TENM2: variants seen among roughly 807,000 people sequenced by gnomAD.
TENM2 encodes teneurin transmembrane protein 2.
In TENM2, 52 loss-of-function variants were observed where a neutral mutation model predicts 245.2. That is an observed-to-expected ratio of 0.21 (90% CI 0.17 to 0.27). The LOEUF is 0.27. TENM2 is among the 10% of genes least tolerant of loss of function. The pLI is 1.00. For missense variants in TENM2, 3,046 were observed against 3,666.8 expected, an observed-to-expected ratio of 0.83 and a Z score of 4.37; for synonymous variants, 1,363 against 1,438.9, an observed-to-expected ratio of 0.95 and a Z score of 1.19.
At chr5:167,292,906 A>T (rs1754721745) in intron 1 of TENM2, among the ~76,000 whole-genome samples, 1 of 152,214 alleles carries the variant, frequency 6.6e-6, no homozygotes, top group Admixed American at 6.5e-5. Context: ...TGGACAATCA[A>T]AGAGGCAAGA....
chr5:167,258,213 ATG>A, the TENM2 span, among the ~76,000 whole-genome samples: 4 of 142,458 alleles, frequency 2.8e-5, no homozygotes, highest in South Asian at 6.6e-4. Flanking sequence ...ATATATATAT[ATG>A]TATATATATA....
chr5:167,551,574 A>C (rs1360807307), intron 2 of TENM2, among the ~76,000 whole-genome samples: 1 of 152,144 alleles, frequency 6.6e-6, no homozygotes, highest in East Asian at 1.9e-4. Context: ...CACTTAACCA[A>C]TCTCTCTATA....
intron 2 of TENM2, among the ~76,000 whole-genome samples, chr5:167,548,406 T>C (rs1772704062): frequency 6.6e-6 from 1 of 152,194 alleles, no homozygotes; most frequent in African/African-American, 2.4e-5. Context: ...TAGCTCCCTG[T>C]ACATTTTTTT....
chr5:167,742,035 G>A (rs1761213516), intron 2 of TENM2, among the ~76,000 whole-genome samples: 1 of 152,034 alleles, frequency 6.6e-6, no homozygotes, highest in Non-Finnish European at 1.5e-5. Flanking sequence ...CCTCCTACCT[G>A]TATCTTGCAG....
intron 2 of TENM2, among the ~76,000 whole-genome samples, chr5:167,788,665 G>A (rs1487062594): frequency 6.6e-6 from 1 of 152,172 alleles, no homozygotes; most frequent in Admixed American, 6.5e-5. Flanking sequence ...AATGCAAGCT[G>A]TGGTAACAGA....
intron 1 of TENM2, among the ~76,000 whole-genome samples, chr5:167,349,674 ATG>A (rs957383898): frequency 6.6e-6 from 1 of 152,108 alleles, no homozygotes. Flanking sequence ...TATGCAGTAT[ATG>A]TGTGTGTATA....
At chr5:167,597,164 T>C (rs1561585895) in intron 2 of TENM2, among the ~76,000 whole-genome samples, 1 of 54,796 alleles carries the variant, frequency 1.8e-5, no homozygotes, top group East Asian at 3.6e-4. Flanking sequence ...TCTTTTCTTT[T>C]CTTTTTTTTT....
the TENM2 span, among the ~76,000 whole-genome samples, chr5:167,110,043 G>A: frequency 2.0e-5 from 3 of 152,138 alleles, no homozygotes; most frequent in Admixed American, 2.0e-4. Flanking sequence ...GTTGTCTCCT[G>A]TCAATTTCTT....
At chr5:167,135,646 G>T in the TENM2 span, among the ~76,000 whole-genome samples, 95 of 152,042 alleles carry the variant, frequency 6.2e-4, no homozygotes, top group African/African-American at 2.1e-3. Context: ...TATGGGTGGC[G>T]CGCACCTGTA....
intron 1 of TENM2, among the ~76,000 whole-genome samples, chr5:167,359,573 T>G (rs1385411820): frequency 5.9e-5 from 9 of 152,184 alleles, no homozygotes; most frequent in Non-Finnish European, 4.4e-5. Flanking sequence ...TAAGTTTAAT[T>G]AGATTCCATT....
At chr5:167,177,772 A>G in the TENM2 span, among the ~76,000 whole-genome samples, 3 of 152,226 alleles carry the variant, frequency 2.0e-5, no homozygotes, top group Non-Finnish European at 4.4e-5. Flanking sequence ...TTGTATTGTC[A>G]TAAGGCCCTA....
chr5:168,215,340 A>C, intron 21 of TENM2, 68 bp downstream of exon 23: 5 of 1,288,870 alleles, frequency 3.9e-6, no homozygotes, highest in Non-Finnish European at 5.6e-6. Flanking sequence ...CTTTCTTCTC[A>C]TCAGAACTTA....
intron 13 of TENM2, among the ~76,000 whole-genome samples, chr5:168,174,277 A>G (rs1759131790): frequency 1.3e-5 from 2 of 152,122 alleles, no homozygotes; most frequent in South Asian, 4.1e-4. Flanking sequence ...CTGGCAGGGT[A>G]GTCAAGAGGC....
chr5:167,423,377 G>T (rs940824167), intron 2 of TENM2, among the ~76,000 whole-genome samples: 1 of 152,256 alleles, frequency 6.6e-6, no homozygotes, highest in Middle Eastern at 3.4e-3. Flanking sequence ...CTTATTGTTG[G>T]TAAACTGGGT....
chr5:168,063,168 T>G (rs1337944634), intron 7 of TENM2, among the ~76,000 whole-genome samples: 1 of 152,214 alleles, frequency 6.6e-6, no homozygotes, highest in Admixed American at 6.5e-5. Flanking sequence ...GACATCTCAG[T>G]ATATATGAAA....
chr5:167,556,326 T>C (rs1752478753), intron 2 of TENM2, among the ~76,000 whole-genome samples: 1 of 152,010 alleles, frequency 6.6e-6, no homozygotes, highest in African/African-American at 2.4e-5. Context: ...GCCTGGATTC[T>C]AAAACTTTAG....
Position 168,244,678 on chromosome 5 carries a change from G to T in TENM2, c.5779G>T (p.Ala1927Ser). 1 of 1,492,408 alleles carries T rather than the reference G, an allele frequency of 6.7e-7. No individual in the cohort carries two copies. 92.4% of individuals were successfully genotyped at this position (1,492,408 alleles called of 1,614,324 possible). ...AGGCCGCATCGTGTCCCGCATGTTC[G>T]CTGACGGGAAAGTGTGGAGCTACTC... The change falls in exon 26 of 29, where the codon GCT becomes TCT. Residue 1927 changes from alanine (A) to serine (S), a missense_variant. Transcript: ENST00000518659. The surrounding 1 kb of genome is among the most constrained non-coding windows in gnomAD (Gnocchi z 4.9).
At chr5:167,918,173 G>A (rs575226464) in intron 3 of TENM2, among the ~76,000 whole-genome samples, 157 of 152,218 alleles carry the variant, frequency 1.0e-3, no homozygotes, top group African/African-American at 3.5e-3. Context: ...AGATCATGAC[G>A]GGTTTATTTA....
intron 10 of TENM2, among the ~76,000 whole-genome samples, chr5:168,120,177 A>C (rs17069915): frequency 0.15 from 22,439 of 152,166 alleles, 1,982 homozygotes; most frequent in South Asian, 0.25. Flanking sequence ...ATATATCAGC[A>C]GTAATGCCCT....
Sources: allele counts gnomAD v4.1 joint callset (sites outside exome capture counted in the v4.1 genomes callset), GRCh38; gene constraint gnomAD v4.1.1; non-coding constraint Gnocchi (gnomAD v3.1); transcripts MANE v1.5; gene names NCBI Gene and HGNC (gene_info 2026-07-23, HGNC 2026-07-21).